Variants in APOBEC1 observed in about 807,000 individuals in gnomAD.
The protein encoded by APOBEC1 is apolipoprotein B mRNA editing enzyme catalytic subunit 1.
Under a neutral mutation model 26.3 loss-of-function variants are expected in APOBEC1, and 22 were observed. That is an observed-to-expected ratio of 0.84 (90% CI 0.60 to 1.19). The LOEUF is 1.19. Ranked by LOEUF, APOBEC1 falls within the 50% of genes most tolerant of loss-of-function variation. The pLI, the probability that APOBEC1 is intolerant of heterozygous loss-of-function variation, is 0.00. For missense variants in APOBEC1, 253 were observed against 289.0 expected (o/e 0.88, Z 0.90); for synonymous variants, 77 against 95.3 (o/e 0.81, Z 1.12).
intron 4 of APOBEC1, among the ~76,000 whole-genome samples, chr12:7,650,433 G>A (rs972964208): frequency 7.2e-5 from 11 of 152,068 alleles, no homozygotes; most frequent in African/African-American, 2.7e-4. Context: ...AAAAGATAAT[G>A]ATAATAAAAT....
chr12:7,664,634 G>A (rs1009096126), intron 1 of APOBEC1, among the ~76,000 whole-genome samples: 2 of 152,102 alleles, frequency 1.3e-5, no homozygotes, highest in African/African-American at 4.8e-5. Flanking sequence ...TGCCCTTCTG[G>A]CCTGGCATGG....
upstream of APOBEC1, among the ~76,000 whole-genome samples, chr12:7,668,724 CT>C (rs1592065918): frequency 6.6e-6 from 1 of 151,896 alleles, no homozygotes; most frequent in East Asian, 1.9e-4. Context: ...CCCAAAAGTT[CT>C]TTTGTTTTTT....
intron 1 of APOBEC1, among the ~76,000 whole-genome samples, chr12:7,657,583 AC>A (rs201025328): frequency 6.6e-6 from 1 of 152,058 alleles, no homozygotes; most frequent in East Asian, 1.9e-4. Flanking sequence ...AAATTAAAAA[AC>A]AAACCAGGCT....
upstream of APOBEC1, among the ~76,000 whole-genome samples, chr12:7,667,883 G>A (rs1302848695): frequency 6.9e-6 from 1 of 145,984 alleles, no homozygotes; most frequent in Non-Finnish European, 1.5e-5. Context: ...TTGCACTGCA[G>A]CCTGGGCAAC....
chr12:7,651,883 C>T (rs1296639149), intron 3 of APOBEC1, among the ~76,000 whole-genome samples: 4 of 151,764 alleles, frequency 2.6e-5, no homozygotes, highest in Admixed American at 6.6e-5. Context: ...TGCAGTGGCG[C>T]GATCTCGGCT....
intron 1 of APOBEC1, among the ~76,000 whole-genome samples, chr12:7,663,989 G>A (rs773288007): frequency 4.6e-5 from 7 of 151,802 alleles, no homozygotes; most frequent in Admixed American, 2.0e-4. Flanking sequence ...CCCAAGTAGC[G>A]GGATTACAGG....
intron 1 of APOBEC1, among the ~76,000 whole-genome samples, chr12:7,661,468 G>T (rs11832654): frequency 1.3e-5 from 2 of 151,782 alleles, no homozygotes; most frequent in Non-Finnish European, 2.9e-5. Context: ...AGAGAAGCCA[G>T]GATATCTTTG....
At chr12:7,651,804 TTTATTTTTTA>T (rs1470908835) in intron 3 of APOBEC1, among the ~76,000 whole-genome samples, 1 of 150,632 alleles carries the variant, frequency 6.6e-6, no homozygotes, top group Non-Finnish European at 1.5e-5. Context: ...ATTTTTTTAT[TTTATTTTTTA>T]TTTTATTTTA....
In APOBEC1 at chr12:7,654,622, G is replaced by A. The variant is rs760987232; in HGVS notation, c.27C>T (p.Thr9=). The change falls in exon 2 of 5, where the codon ACC becomes ACT. Residue 9 remains threonine (T), a synonymous_variant. Coordinates refer to ENST00000229304, the MANE Select transcript of APOBEC1 (RefSeq NM_001644.5). Reference sequence around the variant, plus strand: ...ATTCTTACCTCAGAGTGGGGTCACCGGTTGAAGGACCTGTTGACCAAGATA... The same window carrying A: ...ATTCTTACCTCAGAGTGGGGTCACCAGTTGAAGGACCTGTTGACCAAGATA... MTSEKGPS[T]GDPTLRRRIE... 9.9e-6 allele frequency: 16 copies of A among 1,613,748 alleles called. No homozygotes were observed. The Admixed American group carries it at 1.2e-4, about 12-fold the overall frequency.
At chr12:7,651,170 A>G (rs1186080487) in intron 3 of APOBEC1, 29 bp from the exon 4 acceptor site, 1 of 1,473,624 alleles carries the variant, frequency 6.8e-7, no homozygotes, top group Non-Finnish European at 9.5e-7. Flanking sequence ...TGGCTCATTC[A>G]ACAAGCACAA....
At chr12:7,653,428 G>C (rs759764254) in intron 2 of APOBEC1, among the ~76,000 whole-genome samples, 5 of 149,518 alleles carry the variant, frequency 3.3e-5, no homozygotes, top group African/African-American at 4.9e-5. Context: ...TTTTAGTCTT[G>C]AATTCAGGTG....
At chr12:7,660,343 G>GGAAGGAAGGAAGGAAGGAAA (rs1317642172) in intron 1 of APOBEC1, among the ~76,000 whole-genome samples, 2 of 18,620 alleles carry the variant, frequency 1.1e-4, no homozygotes, top group Non-Finnish European at 2.9e-4. Context: ...AGGGAAGGAA[G>GGAAGGAAGGAAGGAAGGAAA]GAAGGAAGGA....
chr12:7,667,501 G>C (rs1324546303), upstream of APOBEC1, among the ~76,000 whole-genome samples: 1 of 152,286 alleles, frequency 6.6e-6, no homozygotes, highest in Middle Eastern at 3.4e-3. Flanking sequence ...AGATAAAGCA[G>C]GTGTTTCGAC....
At chr12:7,656,392 C>G (rs1863715924) in intron 1 of APOBEC1, among the ~76,000 whole-genome samples, 1 of 152,198 alleles carries the variant, frequency 6.6e-6, no homozygotes, top group Admixed American at 6.6e-5. Context: ...CTAAGCAGTA[C>G]TTTGTTTAGA....
upstream of APOBEC1, among the ~76,000 whole-genome samples, chr12:7,667,063 C>G (rs1023342827): frequency 5.9e-5 from 9 of 151,942 alleles, no homozygotes; most frequent in Non-Finnish European, 1.3e-4. Flanking sequence ...AGGCACCCAC[C>G]ACCACACCAG....
intron 2 of APOBEC1, among the ~76,000 whole-genome samples, chr12:7,653,217 A>G (rs1592057847): frequency 6.6e-6 from 1 of 151,886 alleles, no homozygotes; most frequent in Non-Finnish European, 1.5e-5. Context: ...GGCGTGAGCC[A>G]CCACGCCCAG....
Position 7,654,598 on chromosome 12 carries a change from T to A in APOBEC1, c.44+7A>T. 2 of 1,613,784 alleles carry A rather than the reference T, an allele frequency of 1.2e-6. No homozygotes were observed. The highest frequency in any genetic ancestry group is 1.7e-6 in the Non-Finnish European group (2 of 1,179,700). On this transcript the variant is annotated splice_region_variant and intron_variant, in intron 2 of 4. Coordinates refer to ENST00000229304, the MANE Select transcript of APOBEC1 (RefSeq NM_001644.5). ...TTAAATGGGCACTGTGATAGTGTTA[T>A]TCTTACCTCAGAGTGGGGTCACCGG...
intron 1 of APOBEC1, among the ~76,000 whole-genome samples, chr12:7,665,017 C>T (rs2136858988): frequency 6.6e-6 from 1 of 152,126 alleles, no homozygotes; most frequent in Non-Finnish European, 1.5e-5. Context: ...CCAGCCTGGG[C>T]GAAGTAGTGA....
intron 1 of APOBEC1, among the ~76,000 whole-genome samples, chr12:7,662,584 C>T (rs1863835165): frequency 6.6e-6 from 1 of 151,752 alleles, no homozygotes; most frequent in South Asian, 2.1e-4. Flanking sequence ...GAGACTCCAT[C>T]TCAAAAAAAA....
Sources: allele counts gnomAD v4.1 joint callset (sites outside exome capture counted in the v4.1 genomes callset), GRCh38; gene constraint gnomAD v4.1.1; transcripts MANE v1.5; gene names NCBI Gene and HGNC (gene_info 2026-07-23, HGNC 2026-07-21).